TMEFF2: variants seen among roughly 807,000 people sequenced by gnomAD.
The protein encoded by TMEFF2 is transmembrane protein with EGF like and two follistatin like domains 2, also known as tomoregulin-2.
A neutral mutation model predicts 53.8 loss-of-function variants in TMEFF2; 28 were observed. The ratio of observed to expected loss-of-function variants is 0.52; its 90% CI spans 0.39 to 0.71. The LOEUF is 0.71. Ranked by LOEUF, TMEFF2 falls within the 30% of genes least tolerant of loss-of-function variation. The pLI, the probability that TMEFF2 is intolerant of heterozygous loss-of-function variation, is 0.00. For synonymous variants in TMEFF2, 162 were observed against 166.3 expected (o/e 0.97, Z 0.20); for missense variants, 353 against 455.2 (o/e 0.78, Z 2.04).
At chr2:192,030,185 C>T (rs1225752618) in intron 5 of TMEFF2, among the ~76,000 whole-genome samples, 1 of 152,146 alleles carries the variant, frequency 6.6e-6, no homozygotes, top group African/African-American at 2.4e-5. Flanking sequence ...GAGGATTTGG[C>T]AGACATTATT....
chr2:192,097,736 ATTTT>A (rs916030946), intron 4 of TMEFF2, among the ~76,000 whole-genome samples: 1 of 152,234 alleles, frequency 6.6e-6, no homozygotes, highest in African/African-American at 2.4e-5. Context: ...AGGTCTTTAT[ATTTT>A]TATTTTTAAT....
chr2:192,043,258 T>C lies in TMEFF2; in HGVS notation c.536+14421A>G, dbSNP rs1431115751. On this transcript the variant is annotated intron_variant, in intron 5 of 9. Transcript: ENST00000272771. ...AACGTTCTTAAACAAAAGTCTAGCCTACATCATAAAAAAAGAGAGTCATGG... is the reference window on the plus strand; with the variant it reads ...AACGTTCTTAAACAAAAGTCTAGCCCACATCATAAAAAAAGAGAGTCATGG... Among the ~76,000 whole-genome samples, 3 of 152,220 alleles carry C rather than the reference T, an allele frequency of 2.0e-5. No homozygotes were observed. In the East Asian group the frequency reaches 5.8e-4, roughly 29 times the overall value.
intron 7 of TMEFF2, among the ~76,000 whole-genome samples, chr2:191,972,251 TCTC>T (rs1692666754): frequency 1.3e-5 from 2 of 150,494 alleles, no homozygotes; most frequent in Non-Finnish European, 3.0e-5. Context: ...TTCAAGTGAT[TCTC>T]CTGCCTCAGC....
chr2:192,039,050 C>T (rs1203412819), intron 5 of TMEFF2, among the ~76,000 whole-genome samples: 1 of 152,050 alleles, frequency 6.6e-6, no homozygotes, highest in Admixed American at 6.5e-5. Flanking sequence ...TTCCCGCCCC[C>T]CCCATCTAAC....
chr2:192,074,560 GGTTT>G, intron 4 of TMEFF2, among the ~76,000 whole-genome samples: 1 of 151,884 alleles, frequency 6.6e-6, no homozygotes, highest in African/African-American at 2.4e-5. Context: ...AAATGTTCTA[GGTTT>G]GTATTTTCCA....
intron 9 of TMEFF2, among the ~76,000 whole-genome samples, chr2:191,951,475 A>C (rs1426925030): frequency 6.6e-6 from 1 of 152,108 alleles, no homozygotes; most frequent in African/African-American, 2.4e-5. Context: ...GATAGAAGAG[A>C]GATGTAGAAG....
At chr2:192,142,177 T>C (rs1690153020) in intron 4 of TMEFF2, among the ~76,000 whole-genome samples, 1 of 152,172 alleles carries the variant, frequency 6.6e-6, no homozygotes, top group South Asian at 2.1e-4. Flanking sequence ...TTGTAAATTC[T>C]TGGCACTCTG....
At chr2:192,013,489 C>T (rs1024647345) in intron 5 of TMEFF2, among the ~76,000 whole-genome samples, 5 of 150,836 alleles carry the variant, frequency 3.3e-5, no homozygotes, top group Non-Finnish European at 7.4e-5. Flanking sequence ...CTCGCTCTAT[C>T]CCCCAGGCTG....
intron 4 of TMEFF2, among the ~76,000 whole-genome samples, chr2:192,138,364 C>T (rs901181771): frequency 2.0e-5 from 3 of 152,158 alleles, no homozygotes; most frequent in African/African-American, 4.8e-5. Flanking sequence ...CATTGCTTCC[C>T]ACTCAGAATG....
At chr2:192,124,025 G>T in intron 4 of TMEFF2, among the ~76,000 whole-genome samples, 1 of 152,196 alleles carries the variant, frequency 6.6e-6, no homozygotes, top group East Asian at 1.9e-4. Context: ...CAAAACTACT[G>T]CAAATTGTTA....
intron 4 of TMEFF2, among the ~76,000 whole-genome samples, chr2:192,074,230 C>A (rs1559114450): frequency 6.6e-6 from 1 of 151,914 alleles, no homozygotes; most frequent in Non-Finnish European, 1.5e-5. Context: ...GCTATTAGTT[C>A]TGAGAAGGTT....
intron 5 of TMEFF2, among the ~76,000 whole-genome samples, chr2:192,010,786 ACTTAC>A: frequency 6.6e-6 from 1 of 152,216 alleles, no homozygotes; most frequent in South Asian, 2.1e-4. Flanking sequence ...AGTAATAACT[ACTTAC>A]ACCTGGCGGG....
intron 4 of TMEFF2, among the ~76,000 whole-genome samples, chr2:192,117,024 C>A (rs889152407): frequency 1.3e-5 from 2 of 151,924 alleles, no homozygotes; most frequent in Non-Finnish European, 2.9e-5. Context: ...TTAATAAGTA[C>A]TGCTGTATAT....
intron 5 of TMEFF2, chr2:192,027,864 T>C (rs2105868303): frequency 6.6e-6 from 1 of 152,382 alleles, no homozygotes; most frequent in East Asian, 1.9e-4. Context: ...GCCACCTTGT[T>C]CACATAGATG....
chr2:192,053,299 C>CAG (rs1164536617), intron 5 of TMEFF2, among the ~76,000 whole-genome samples: 1 of 152,096 alleles, frequency 6.6e-6, no homozygotes, highest in Non-Finnish European at 1.5e-5. Context: ...CTCAAAAACT[C>CAG]ATCTAACTAT....
In TMEFF2 at chr2:192,194,507, G is replaced by A; in HGVS notation, c.18C>T (p.Ser6=). The change falls in exon 1 of 10, where the codon TCC becomes TCT. Residue 6 remains serine (S), a synonymous_variant. Transcript: ENST00000272771. The surrounding 1 kb of genome is among the most constrained non-coding windows in gnomAD (Gnocchi z 4.2). MVLWE[S]PRQCSSWTLC... ...GTGTCCAGCTGCTGCACTGCCGCGG[G>A]GACTCCCACAGCACCATGACTAGTT... is the stretch of plus-strand genomic sequence containing the variant. 1.9e-6 allele frequency: 3 copies of A among 1,613,574 alleles called. No homozygotes were observed. The South Asian group carries it at 3.3e-5, about 18-fold the overall frequency.
intron 4 of TMEFF2, among the ~76,000 whole-genome samples, chr2:192,118,626 A>AAT (rs1390729621): frequency 6.6e-6 from 1 of 152,166 alleles, no homozygotes; most frequent in Non-Finnish European, 1.5e-5. Context: ...AGCACACCTA[A>AAT]ATATGAAGGC....
At chr2:192,019,429 C>CAA (rs528237961) in intron 5 of TMEFF2, among the ~76,000 whole-genome samples, 2 of 150,588 alleles carry the variant, frequency 1.3e-5, no homozygotes, top group African/African-American at 4.9e-5. Flanking sequence ...ATTTAAATAA[C>CAA]AAAAAAAATA....
chr2:192,070,346 C>G (rs781520384), intron 4 of TMEFF2, among the ~76,000 whole-genome samples: 3 of 151,672 alleles, frequency 2.0e-5, no homozygotes, highest in Non-Finnish European at 4.4e-5. Context: ...TTTTGTAGGG[C>G]TTCACTGCTG....
Sources: allele counts gnomAD v4.1 joint callset (sites outside exome capture counted in the v4.1 genomes callset), GRCh38; gene constraint gnomAD v4.1.1; non-coding constraint Gnocchi (gnomAD v3.1); transcripts MANE v1.5; gene names NCBI Gene and HGNC (gene_info 2026-07-23, HGNC 2026-07-21).